The following GABRE variants were observed in gnomAD, a reference collection of about 807,000 sequenced individuals.
GABRE encodes gamma-aminobutyric acid receptor subunit epsilon.
A neutral mutation model predicts 31.0 loss-of-function variants in GABRE; 20 were observed. That is an observed-to-expected ratio of 0.64 (90% CI 0.45 to 0.94). GABRE has a LOEUF of 0.94. GABRE is among the 40% of genes least tolerant of loss of function. The pLI, the probability that GABRE is intolerant of heterozygous loss-of-function variation, is 0.00. For synonymous variants in GABRE, 155 were observed against 150.6 expected, an observed-to-expected ratio of 1.03 and a Z score of -0.21; for missense variants, 420 against 410.7, an observed-to-expected ratio of 1.02 and a Z score of -0.20.
intron 2 of GABRE, 98 bp downstream of exon 2, chrX:151,970,087 G>T: frequency 8.6e-7 from 1 of 1,162,595 alleles, no homozygotes; most frequent in East Asian, 3.0e-5. Context: ...CTGTCCATGA[G>T]CATGGCACCC....
intron 1 of GABRE, 56 bp from the exon 2 acceptor site, chrX:151,970,458 C>G (rs766271592): frequency 8.7e-6 from 10 of 1,153,301 alleles, no homozygotes; most frequent in Non-Finnish European, 1.0e-5. Context: ...GGGGCCCCAG[C>G]TAGTGCCTCT....
At chrX:151,972,356 A>C (rs1769342204) in intron 1 of GABRE, 1 of 751,710 alleles carries the variant, frequency 1.3e-6, no homozygotes, top group Admixed American at 8.9e-5. Context: ...CCAAACTCCC[A>C]GCCATCTCAA....
chrX:151,954,079 G>A lies in GABRE; in HGVS notation c.*622C>T, dbSNP rs1027127337. The A allele has an allele frequency of 8.9e-6, 1 of 111,752 alleles. No individual in the cohort carries two copies. Among genetic ancestry groups the A allele is most frequent in the Non-Finnish European group, 1.9e-5 (1 of 53,156 alleles). The allele number at this position is 111,752 out of a possible 1,213,427, so 9.2% of individuals were successfully genotyped here. A position where few individuals can be genotyped will look rare whatever the true frequency, so the allele number is the denominator to read the frequency against. ...AATGCTGTCCCAAATAGGCTCTCTT[G>A]CTGCCCCCCCCTCTTCCTAAAGGGA... On this transcript the variant is annotated 3_prime_UTR_variant, in exon 9 of 9. Transcript: ENST00000370328.
Position 151,962,622 on chromosome X carries a change from A to T in GABRE, c.364T>A (p.Phe122Ile). The change falls in exon 4 of 9, where the codon TTC becomes ATC. Residue 122 changes from phenylalanine (F) to isoleucine (I), a missense_variant. Transcript: ENST00000370328. ...LDMEYTIDIIFSQTWYDERLC... is the reference protein window; with the variant it reads ...LDMEYTIDIIISQTWYDERLC... The stretch of plus-strand genomic sequence containing the variant: ...CGTTCGTCGTACCAGGTCTGGGAGA[A>T]GATGATGTCAATGGTGTATTCCTGG... The T allele has an allele frequency of 8.3e-7, 1 of 1,208,489 alleles. No individual in the cohort carries two copies. Among genetic ancestry groups the T allele is most frequent in the Non-Finnish European group, 1.1e-6 (1 of 892,588 alleles).
At chrX:151,967,192 A>G (rs1417638647) in intron 3 of GABRE, among the ~76,000 whole-genome samples, 3 of 112,125 alleles carry the variant, frequency 2.7e-5, no homozygotes, top group Non-Finnish European at 5.6e-5. Context: ...TTTAGCCACC[A>G]CCAAATGGGT....
intron 4 of GABRE, 41 bp downstream of exon 4, chrX:151,962,382 G>A: frequency 9.2e-7 from 1 of 1,090,674 alleles, no homozygotes; most frequent in Non-Finnish European, 1.3e-6. Context: ...CAGAAGGGGA[G>A]AGAGAATTCC....
intron 3 of GABRE, among the ~76,000 whole-genome samples, chrX:151,966,517 C>T (rs1399759893): frequency 8.9e-6 from 1 of 112,085 alleles, no homozygotes; most frequent in Non-Finnish European, 1.9e-5. Flanking sequence ...TCTCAGCTTC[C>T]TCAAATGTAA....
chrX:151,970,302 C>T lies in GABRE; in HGVS notation c.157G>A (p.Glu53Lys). The T allele has an allele frequency of 3.3e-6, 4 of 1,212,022 alleles. No homozygotes were observed. Among genetic ancestry groups the T allele is most frequent in the Non-Finnish European group, 4.5e-6 (4 of 895,663 alleles). ...GTCTCAGTCTCAGTTGACTTTGTTT[C>T]CTCAGAGAGGAGCTGATTTTCCAGA... Reference protein sequence around the residue: ...QPLENQLLSEETKSTETETGS... With the variant: ...QPLENQLLSEKTKSTETETGS... Residue 53 changes from glutamate to lysine, a missense_variant, in exon 2 of 9, where the codon GAA becomes AAA. Glu to Lys is a moderately conservative substitution (Grantham distance 56). Coordinates refer to ENST00000370328, the MANE Select transcript of GABRE (RefSeq NM_004961.4).
chrX:151,964,919 TGG>T (rs1266661171), intron 3 of GABRE, among the ~76,000 whole-genome samples: 1 of 111,826 alleles, frequency 8.9e-6, no homozygotes, highest in East Asian at 2.8e-4. Context: ...TACAGCCTTC[TGG>T]GAGGGCGGAT....
At chrX:151,968,108 C>T (rs1321032140) in intron 3 of GABRE, among the ~76,000 whole-genome samples, 1 of 112,837 alleles carries the variant, frequency 8.9e-6, no homozygotes, top group East Asian at 2.8e-4. Flanking sequence ...TTGTGAGCTA[C>T]CCTGTGGATA....
At chrX:151,957,640 C>T (rs555881746) in intron 6 of GABRE, 5 of 235,772 alleles carry the variant, frequency 2.1e-5, no homozygotes, top group African/African-American at 1.2e-4. Context: ...CTTCTCCGCT[C>T]GTCAAGAGAT....
intron 8 of GABRE, 40 bp from the exon 9 acceptor site, chrX:151,955,124 A>T: frequency 8.4e-7 from 1 of 1,188,875 alleles, no homozygotes; most frequent in Non-Finnish European, 1.1e-6. Flanking sequence ...AAGTCAAGGG[A>T]AGATAACCCA....
rs187959296 is a variant in GABRE at position 151,961,979 on chromosome X, C to T, written c.563+444G>A. Among the ~76,000 whole-genome samples, 10 of 111,733 alleles carry T rather than the reference C, an allele frequency of 8.9e-5. No homozygotes were observed. In the East Asian group the frequency reaches 1.4e-3, roughly 16 times the overall value. ...ACCTGCCAACATCCTCCCTGCTATC[C>T]CCCACACACAACCTTCCCCTGCTGG... On this transcript the variant is annotated intron_variant, in intron 4 of 8. Transcript: ENST00000370328.
chrX:151,974,610 G>A lies in GABRE; in HGVS notation c.16C>T (p.Leu6Phe). 1 of 1,179,667 alleles carries A rather than the reference G, an allele frequency of 8.5e-7. No homozygotes were observed. Among genetic ancestry groups the A allele is most frequent in the Non-Finnish European group, 1.1e-6 (1 of 878,788 alleles). ...AATAAGATGCCTAGGAGGACTGGAA[G>A]AACTTTGGACAACATTTCCGCGGAG... MLSKV[L>F]PVLLGILLIL... is the part of the protein sequence containing the mutation. Residue 6 changes from leucine to phenylalanine, a missense_variant, in exon 1 of 9, where the codon CTT becomes TTT. Leu to Phe is a conservative substitution (Grantham distance 22). Coordinates refer to ENST00000370328, the MANE Select transcript of GABRE (RefSeq NM_004961.4).
chrX:151,966,713 A>G (rs1934535151), intron 3 of GABRE, among the ~76,000 whole-genome samples: 1 of 112,329 alleles, frequency 8.9e-6, no homozygotes, highest in South Asian at 3.7e-4. Context: ...ATTTGGAACC[A>G]TGTAGAAGGC....
At chrX:151,970,660 A>C (rs1934665616) in intron 1 of GABRE, 1 of 358,139 alleles carries the variant, frequency 2.8e-6, no homozygotes, top group Non-Finnish European at 4.8e-6. Flanking sequence ...AACAAAACCA[A>C]GACCTAGATT....
rs374884824 is a variant in GABRE, at chrX:151,959,737, T to C, written c.784+102A>G. The C allele has an allele frequency of 5.5e-6, 5 of 905,041 alleles. No individual in the cohort carries two copies. The African/African-American group carries it at 9.9e-5, about 18-fold the overall frequency. The allele number at this position is 905,041 out of a possible 1,213,427, so 74.6% of individuals were successfully genotyped here. ...CAATTATAAGACAGGAGCCATGTCT[T>C]ACAATGTTTGCACGGGATGACTGCA... On this transcript the variant is annotated intron_variant, in intron 6 of 8. Transcript: ENST00000370328.
chrX:151,957,308 C>T (rs144150749), intron 6 of GABRE: 3 of 249,882 alleles, frequency 1.2e-5, no homozygotes, highest in Non-Finnish European at 2.2e-5. Flanking sequence ...ACTCAAGGAG[C>T]AAAGCTTCTC....
At position 151,955,394 on chromosome X, in the gene GABRE, C is replaced by T. The variant is rs763810305; in HGVS notation, c.1111G>A (p.Ala371Thr). 5 of 1,210,585 alleles carry T rather than the reference C, an allele frequency of 4.1e-6. No homozygotes were observed. In the African/African-American group the frequency reaches 5.2e-5, roughly 13 times the overall value. Residue 371 changes from alanine (A) to threonine (T), a missense_variant, in exon 8 of 9, where the codon GCC (alanine) becomes ACC (threonine). Physicochemically the swap from Ala to Thr is moderately conservative, Grantham distance 58. Transcript: ENST00000370328. ...LNFLIYNQTK[A>T]HASPKLRHPR... ...TGGCGGAGTTTAGGAGAAGCATGGG[C>T]TTTTGTCTGGTTGTAGATCAGGAAG...
Sources: allele counts gnomAD v4.1 joint callset (sites outside exome capture counted in the v4.1 genomes callset), GRCh38; gene constraint gnomAD v4.1.1; transcripts MANE v1.5; gene names NCBI Gene and HGNC (gene_info 2026-07-23, HGNC 2026-07-21).